Variants in CLEC4M observed in about 807,000 individuals in gnomAD.
CLEC4M encodes CD209 antigen-like protein 1.
A neutral mutation model predicts 39.1 loss-of-function variants in CLEC4M; 25 were observed. The observed-to-expected ratio is 0.64, with a 90% CI of 0.47 to 0.89. The LOEUF (loss-of-function observed/expected upper bound fraction) is 0.89, where lower values mean the gene tolerates loss of function less well. CLEC4M is among the 40% of genes least tolerant of loss of function. The probability of loss-of-function intolerance (pLI) is 0.00; values close to 1 mark genes in which losing one functional copy is unlikely to be tolerated. For synonymous variants in CLEC4M, 155 were observed against 177.4 expected (o/e 0.87, Z 1.00); for missense variants, 353 against 431.4 (o/e 0.82, Z 1.61).
chr19:7,764,964 G>A (rs368793402), intron 2 of CLEC4M, among the ~76,000 whole-genome samples: 3 of 151,940 alleles, frequency 2.0e-5, no homozygotes, highest in African/African-American at 7.3e-5. Flanking sequence ...GGAGGTGGGG[G>A]TTGGGACCTA....
chr19:7,764,462 T>C (rs184351700), intron 2 of CLEC4M, among the ~76,000 whole-genome samples: 193 of 152,032 alleles, frequency 1.3e-3, no homozygotes, highest in African/African-American at 4.4e-3. Flanking sequence ...TCTTTTTTAT[T>C]TTATTTATTT....
rs771994900 is a variant in CLEC4M at position 7,765,774 on chromosome 19, C to G, written c.351C>G (p.Thr117=). 15 of 1,612,626 alleles carry G rather than the reference C, an allele frequency of 9.3e-6. No homozygotes were observed. The African/African-American group carries it at 9.4e-5, about 10-fold the overall frequency. The change falls in exon 4 of 7, where the codon ACC becomes ACG. Residue 117 remains threonine, a synonymous_variant. Coordinates refer to ENST00000327325, the MANE Select transcript of CLEC4M (RefSeq NM_014257.5). ...SKLQEIYQEL[T]QLKAAVGELP... Reference sequence around the variant, plus strand: ...TGCAGGAGATCTACCAGGAGCTGACCCAGCTGAAGGCTGCAGTGGGTGAGT... The same window carrying G: ...TGCAGGAGATCTACCAGGAGCTGACGCAGCTGAAGGCTGCAGTGGGTGAGT...
chr19:7,768,788 G>A, intron 6 of CLEC4M, 50 bp from the exon 7 acceptor site: 2 of 1,596,596 alleles, frequency 1.3e-6, no homozygotes, highest in Non-Finnish European at 1.7e-6. Context: ...TAGGAGTGTG[G>A]CTCATCTACT....
chr19:7,764,180 A>G (rs1023832460), intron 2 of CLEC4M, among the ~76,000 whole-genome samples: 5 of 152,036 alleles, frequency 3.3e-5, no homozygotes, highest in African/African-American at 1.2e-4. Context: ...AGCCCCAAAC[A>G]AAGAGTCAAG....
chr19:7,766,228 G>C, intron 4 of CLEC4M, 21 bp downstream of exon 4: 4 of 1,613,306 alleles, frequency 2.5e-6, no homozygotes, highest in Non-Finnish European at 3.4e-6. Context: ...GCACATCAAG[G>C]GTCCTTGGGC....
In CLEC4M at chr19:7,765,266, A is replaced by G; in HGVS notation, c.212A>G (p.Gln71Arg). The change falls in exon 3 of 7, where the codon CAA becomes CGA. Residue 71 changes from glutamine (Q) to arginine (R), a missense_variant and splice_region_variant. Physicochemically the swap from Gln to Arg is conservative, Grantham distance 43. Transcript: ENST00000327325. ...GGGGTCCTGGTGGCCATCCTTGTCC[A>G]AGGTCAGGGGCAGGTTCTGAGGGTC... Reference protein sequence around the residue: ...LAGVLVAILVQVSKVPSSLSQ... With the variant: ...LAGVLVAILVRVSKVPSSLSQ... 6.2e-7 allele frequency: 1 copy of G among 1,614,022 alleles called. No individual in the cohort carries two copies. Among genetic ancestry groups the G allele is most frequent in the Non-Finnish European group, 8.5e-7 (1 of 1,179,970 alleles).
Position 7,767,566 on chromosome 19 carries a change from A to G in CLEC4M, c.987A>G (p.Gly329=). Residue 329 remains glycine, a synonymous_variant, in exon 6 of 7, where the codon GGA becomes GGG. Coordinates refer to ENST00000327325, the MANE Select transcript of CLEC4M (RefSeq NM_014257.5). ...TSRSNRFSWM[G]LSDLNQEGTW... is the part of the protein sequence containing the mutation. ...GGAGTAACCGCTTCTCCTGGATGGGACTTTCAGACCTAAATCAGGAAGGCA... is the reference window on the plus strand; with the variant it reads ...GGAGTAACCGCTTCTCCTGGATGGGGCTTTCAGACCTAAATCAGGAAGGCA... The G allele has an allele frequency of 6.2e-7, 1 of 1,614,142 alleles. No homozygotes were observed. Among genetic ancestry groups the G allele is most frequent in the Non-Finnish European group, 8.5e-7 (1 of 1,179,998 alleles).
chr19:7,769,156 C>CCT lies in CLEC4M; in HGVS notation c.*170_*171dup. The stretch of plus-strand genomic sequence containing the variant: ...TGGGTCTTATTCTGTCCTTCTGATG[C>CCT]CTCCAAGTTTCCCTGGTGTAGAGCT... On this transcript the variant is annotated 3_prime_UTR_variant, in exon 7 of 7. Coordinates refer to ENST00000327325, the MANE Select transcript of CLEC4M (RefSeq NM_014257.5). The CCT allele has an allele frequency of 1.6e-6, 1 of 621,860 alleles. No homozygotes were observed. The highest frequency in any genetic ancestry group is 3.0e-5 in the East Asian group (1 of 33,578). The allele number at this position is 621,860 out of a possible 1,614,324, so 38.5% of individuals were successfully genotyped here.
chr19:7,765,489 C>T, intron 3 of CLEC4M, 149 bp from the exon 4 acceptor site: 1 of 1,356,618 alleles, frequency 7.4e-7, no homozygotes, highest in Non-Finnish European at 1.0e-6. Context: ...GCCTTCTGTG[C>T]TGCCTTCTCC....
chr19:7,767,246 A>T (rs2146359338), intron 5 of CLEC4M: 1 of 463,944 alleles, frequency 2.2e-6, no homozygotes, highest in South Asian at 2.5e-5. Context: ...GTCAGGAGTA[A>T]ATTCATGTGG....
At position 7,763,327 on chromosome 19, in the gene CLEC4M, G is replaced by C; in HGVS notation, c.46+15G>C. 1 of 1,611,730 alleles carries C rather than the reference G, an allele frequency of 6.2e-7. No homozygotes were observed. Among genetic ancestry groups the C allele is most frequent in the African/African-American group, 1.3e-5 (1 of 75,022 alleles). On this transcript the variant is annotated intron_variant, in intron 1 of 6. Transcript: ENST00000327325. ...GGGCCTCCTGGGTAAGGCTGGGTTG[G>C]AACTCTGGGATCCTGGGTAAGGGGA...
intron 4 of CLEC4M, 114 bp downstream of exon 4, chr19:7,766,321 A>G (rs760878685): frequency 6.6e-7 from 1 of 1,524,872 alleles, no homozygotes; most frequent in African/African-American, 1.4e-5. Flanking sequence ...TGAAATGAGA[A>G]CACGGGGTAA....
At chr19:7,766,250 T>G (rs1177774723) in intron 4 of CLEC4M, 43 bp downstream of exon 4, 4 of 1,610,616 alleles carry the variant, frequency 2.5e-6, no homozygotes, top group Non-Finnish European at 3.4e-6. Flanking sequence ...TGAGATGGTC[T>G]CTGTGTGATG....
At position 7,765,231 on chromosome 19, in the gene CLEC4M, G is replaced by C; in HGVS notation, c.177G>C (p.Met59Ile). 1 of 1,614,174 alleles carries C rather than the reference G, an allele frequency of 6.2e-7. No homozygotes were observed. The highest frequency in any genetic ancestry group is 1.3e-5 in the African/African-American group (1 of 75,046). ...TGGTGCTGCAACTCCTCTCCTTCAT[G>C]CTCTTGGCTGGGGTCCTGGTGGCCA... ...GALVLQLLSF[M>I]LLAGVLVAIL... The change falls in exon 3 of 7, where the codon ATG (methionine) becomes ATC (isoleucine). Residue 59 changes from methionine to isoleucine, a missense_variant. Met to Ile is a conservative substitution (Grantham distance 10). Around this residue, in one of 4 missense-constraint regions of CLEC4M, gnomAD observed 91 missense variants for 77.8 expected, o/e 1.17. Coordinates refer to ENST00000327325, the MANE Select transcript of CLEC4M (RefSeq NM_014257.5).
At chr19:7,765,317 G>A (rs988057265) in intron 3 of CLEC4M, 49 bp downstream of exon 3, 1 of 1,598,262 alleles carries the variant, frequency 6.3e-7, no homozygotes, top group African/African-American at 1.3e-5. Flanking sequence ...TGGCCTTTTG[G>A]CTATGAACAG....
Position 7,766,051 on chromosome 19 carries a change from G to A in CLEC4M, c.628G>A (p.Glu210Lys). 1 of 1,198,676 alleles carries A rather than the reference G, an allele frequency of 8.3e-7. No homozygotes were observed. Among genetic ancestry groups the A allele is most frequent in the African/African-American group, 1.9e-5 (1 of 53,616 alleles). The allele number at this position is 1,198,676 out of a possible 1,614,324, so 74.3% of individuals were successfully genotyped here. ...GCAGGAGATCTACCAGGAGCTGACG[G>A]AGCTGAAGGCTGCAGTGGGTGAGTT... The part of the protein sequence containing the change: ...KLQEIYQELT[E>K]LKAAVGELPE... The change falls in exon 4 of 7, where the codon GAG (glutamate) becomes AAG (lysine). Residue 210 changes from glutamate to lysine, a missense_variant. Physicochemically the swap from Glu to Lys is moderately conservative, Grantham distance 56. This residue lies in a region of CLEC4M where 18 missense variants were observed against 77.1 expected (regional missense o/e 0.23). Transcript: ENST00000327325.
chr19:7,767,756 G>C, intron 6 of CLEC4M, 128 bp downstream of exon 6: 1 of 745,460 alleles, frequency 1.3e-6, no homozygotes, highest in Non-Finnish European at 2.2e-6. Flanking sequence ...GGGTTTTACT[G>C]AGTTGAGGAA....
intron 5 of CLEC4M, chr19:7,767,311 G>T: frequency 1.8e-6 from 1 of 559,198 alleles, no homozygotes; most frequent in South Asian, 2.2e-5. Flanking sequence ...GGAGAGGCCA[G>T]CTGTGCATGC....
At chr19:7,768,485 A>T (rs1248414699) in intron 6 of CLEC4M, 2 of 175,666 alleles carry the variant, frequency 1.1e-5, no homozygotes, top group Non-Finnish European at 2.4e-5. Flanking sequence ...GAGGCAGGAG[A>T]ATCACTTGAG....
Sources: gnomAD v4.1 joint callset for allele counts (sites outside exome capture counted in the v4.1 genomes callset) on GRCh38, gnomAD v4.1.1 for gene constraint, gnomAD v4.1.1 regional missense constraint, MANE v1.5 for transcripts, NCBI Gene and HGNC (gene_info 2026-07-23, HGNC 2026-07-21) for gene names.